Variants in CEACAM21 observed in about 807,000 individuals in gnomAD.
The protein encoded by CEACAM21 is cell adhesion molecule CEACAM21.
Under a neutral mutation model 33.2 loss-of-function variants are expected in CEACAM21, and 38 were observed. The observed-to-expected ratio is 1.14, with a 90% CI of 0.88 to 1.50. The LOEUF is 1.50. Among genes scored for constraint, CEACAM21 ranks in the 40% most tolerant of loss-of-function variants. The probability of loss-of-function intolerance (pLI) is 0.00; values close to 1 mark genes in which losing one functional copy is unlikely to be tolerated. For synonymous variants in CEACAM21, 156 were observed against 143.0 expected, an observed-to-expected ratio of 1.09 and a Z score of -0.65; for missense variants, 385 against 364.6, an observed-to-expected ratio of 1.06 and a Z score of -0.46.
intron 4 of CEACAM21, 28 bp downstream of exon 4, chr19:41,584,471 C>T: frequency 2.5e-6 from 4 of 1,573,330 alleles, no homozygotes; most frequent in Non-Finnish European, 2.6e-6. Flanking sequence ...CATTCTGCTC[C>T]CATCCTTCAC....
chr19:41,569,516 G>A (rs1279850149), intron 2 of CEACAM21, among the ~76,000 whole-genome samples: 1 of 152,110 alleles, frequency 6.6e-6, no homozygotes, highest in East Asian at 1.9e-4. Flanking sequence ...TGCGGGGGGC[G>A]GGTTGGGGAA....
intron 1 of CEACAM21, among the ~76,000 whole-genome samples, chr19:41,558,571 C>A (rs1555786062): frequency 6.6e-6 from 1 of 152,102 alleles, no homozygotes; most frequent in African/African-American, 2.4e-5. Context: ...CACTTTAACC[C>A]AGGAGATGGA....
chr19:41,549,946 A>G (rs960604827), intron 1 of CEACAM21, among the ~76,000 whole-genome samples: 1 of 152,176 alleles, frequency 6.6e-6, no homozygotes. Flanking sequence ...TATACAGTCC[A>G]TTGTCGTTGA....
In CEACAM21 at chr19:41,577,251, C is replaced by G; in HGVS notation, c.116C>G (p.Ala39Gly). 6.2e-7 allele frequency: 1 copy of G among 1,614,156 alleles called. No homozygotes were observed. Among genetic ancestry groups the G allele is most frequent in the Non-Finnish European group, 8.5e-7 (1 of 1,180,018 alleles). The stretch of plus-strand genomic sequence containing the variant: ...CCCACCACTGCCTGGCTCTTTATTG[C>G]ATCAGCGCCCTTTGAAGTTGCTGAA... ...NAPTTAWLFI[A>G]SAPFEVAEGE... Residue 39 changes from alanine to glycine, a missense_variant, in exon 2 of 7, where the codon GCA (alanine) becomes GGA (glycine). Ala to Gly is a moderately conservative substitution (Grantham distance 60). Coordinates refer to ENST00000401445, the MANE Select transcript of CEACAM21 (RefSeq NM_001098506.4).
intron 1 of CEACAM21, among the ~76,000 whole-genome samples, chr19:41,559,737 A>C (rs1478000389): frequency 6.6e-6 from 1 of 152,224 alleles, no homozygotes; most frequent in Non-Finnish European, 1.5e-5. Flanking sequence ...GACACTGAGC[A>C]CCCTTATGCC....
intron 4 of CEACAM21, 146 bp downstream of exon 4, chr19:41,584,589 C>T: frequency 1.4e-6 from 1 of 720,678 alleles, no homozygotes; most frequent in Non-Finnish European, 2.4e-6. Context: ...ATGGCACCTT[C>T]CTCACCAGCT....
intron 3 of CEACAM21, among the ~76,000 whole-genome samples, chr19:41,581,297 T>A (rs927094762): frequency 1.3e-5 from 2 of 152,252 alleles, no homozygotes; most frequent in Non-Finnish European, 2.9e-5. Context: ...GCCCAACCTA[T>A]TCCTTTAATT....
chr19:41,585,863 A>C lies in CEACAM21; in HGVS notation c.874A>C (p.Ile292Leu). ...TPGHGPSDSS[I>L]S ...AGGCCATGGACCCTCTGACAGCTCC[A>C]TCTCCTAGGTAAGACTGTCCGTTCC... Residue 292 changes from isoleucine to leucine, a missense_variant, in exon 6 of 7, where the codon ATC (isoleucine) becomes CTC (leucine). Physicochemically the swap from Ile to Leu is conservative, Grantham distance 5. Transcript: ENST00000401445. The C allele has an allele frequency of 6.2e-7, 1 of 1,612,992 alleles. No homozygotes were observed. Among genetic ancestry groups the C allele is most frequent in the Non-Finnish European group, 8.5e-7 (1 of 1,179,532 alleles).
In CEACAM21 at chr19:41,562,724, T is replaced by G. The variant is rs139228597; in HGVS notation, c.-778-1958T>G. ...AAAGCAAGTATTTGAAAATTCAGTA[T>G]TTCTTTTTTCTTTTTTTTTTTGGAG... On this transcript the variant is annotated intron_variant, in intron 1 of 7. Coordinates refer to the CEACAM21 transcript ENST00000407170. Among the ~76,000 whole-genome samples, 160 of 139,954 alleles carry G rather than the reference T, an allele frequency of 1.1e-3. 1 individual carries two copies. Among genetic ancestry groups the G allele is most frequent in the African/African-American group, 4.8e-3 (149 of 30,988 alleles). The allele number at this position is 139,954 out of a possible 152,430, so 91.8% of individuals were successfully genotyped here.
At chr19:41,566,828 C>A (rs1474468472) in intron 2 of CEACAM21, among the ~76,000 whole-genome samples, 4 of 152,102 alleles carry the variant, frequency 2.6e-5, no homozygotes, top group Non-Finnish European at 5.9e-5. Context: ...TTTTTAATTG[C>A]TTTACTGATT....
chr19:41,552,999 A>T (rs1423292424), intron 1 of CEACAM21, among the ~76,000 whole-genome samples: 1 of 149,284 alleles, frequency 6.7e-6, no homozygotes, highest in Non-Finnish European at 1.5e-5. Context: ...GTAGCCAGAG[A>T]AATACGAATT....
intron 1 of CEACAM21, among the ~76,000 whole-genome samples, chr19:41,552,775 G>A (rs1322123017): frequency 6.6e-6 from 1 of 152,152 alleles, no homozygotes; most frequent in African/African-American, 2.4e-5. Context: ...CTGTTTCGGG[G>A]GTGTAGAGGC....
chr19:41,577,927 AGCCCCTGCCCCAG>A (rs1253266079), intron 2 of CEACAM21, among the ~76,000 whole-genome samples: 9 of 152,164 alleles, frequency 5.9e-5, no homozygotes, highest in East Asian at 3.9e-4. Flanking sequence ...CAGCCCTTGA[AGCCCCTGCCCCAG>A]GCCCCTGTCC....
chr19:41,568,669 T>C (rs1006105625), intron 2 of CEACAM21, among the ~76,000 whole-genome samples: 2 of 152,248 alleles, frequency 1.3e-5, no homozygotes, highest in African/African-American at 4.8e-5. Context: ...GCCAGGACCA[T>C]GCTGATTTGG....
Position 41,579,647 on chromosome 19 carries a change from C to A in CEACAM21, c.700+19C>A, listed in dbSNP as rs1227912751. 18 of 1,475,976 alleles carry A rather than the reference C, an allele frequency of 1.2e-5. No individual in the cohort carries two copies. Among genetic ancestry groups the A allele is most frequent in the Non-Finnish European group, 1.6e-5 (18 of 1,091,938 alleles). 91.4% of individuals were successfully genotyped at this position (1,475,976 alleles called of 1,614,324 possible). On this transcript the variant is annotated intron_variant, in intron 3 of 6. Transcript: ENST00000401445. ...GTAAAATGTGAGTGACCCTCGGCCCCTCTCACTCCTTTCCTTGTATATTTT... is the reference window on the plus strand; with the variant it reads ...GTAAAATGTGAGTGACCCTCGGCCCATCTCACTCCTTTCCTTGTATATTTT...
chr19:41,566,673 T>A (rs28709791), intron 2 of CEACAM21, among the ~76,000 whole-genome samples: 21,184 of 152,188 alleles, frequency 0.14, 2,958 homozygotes, highest in East Asian at 0.35. Flanking sequence ...TCTGAAAATG[T>A]GTTAGAAAGT....
At chr19:41,567,897 A>T (rs1200319509) in intron 2 of CEACAM21, among the ~76,000 whole-genome samples, 1 of 55,390 alleles carries the variant, frequency 1.8e-5, no homozygotes, top group African/African-American at 4.9e-4. Flanking sequence ...AGATGCAGTA[A>T]AAAAAAAAAA....
intron 1 of CEACAM21, among the ~76,000 whole-genome samples, chr19:41,552,495 T>C (rs2122154074): frequency 6.6e-6 from 1 of 152,342 alleles, no homozygotes; most frequent in South Asian, 2.1e-4. Context: ...CGCTGGCACT[T>C]TCAGCTTTTG....
intron 1 of CEACAM21, chr19:41,564,587 G>A (rs1204001779): frequency 1.3e-5 from 2 of 152,226 alleles, no homozygotes; most frequent in Admixed American, 6.5e-5. Flanking sequence ...CGCCCCTCGC[G>A]GAAACAGGGG....
Sources: gnomAD v4.1 joint callset for allele counts (sites outside exome capture counted in the v4.1 genomes callset) on GRCh38, gnomAD v4.1.1 for gene constraint, MANE v1.5 for transcripts, NCBI Gene and HGNC (gene_info 2026-07-23, HGNC 2026-07-21) for gene names.